The following EEA1 variants were observed in gnomAD, a reference collection of about 807,000 sequenced individuals.
EEA1 encodes the protein early endosome antigen 1.
In EEA1, 111 loss-of-function variants were observed where a neutral mutation model predicts 209.2. That is an observed-to-expected ratio of 0.53 (90% CI 0.45 to 0.62). EEA1 has a LOEUF of 0.62. Among genes scored for constraint, EEA1 ranks in the 20% least tolerant of loss-of-function variants. The probability of loss-of-function intolerance (pLI) is 0.00; values close to 1 mark genes in which losing one functional copy is unlikely to be tolerated. For synonymous variants in EEA1, 536 were observed against 540.6 expected, an observed-to-expected ratio of 0.99 and a Z score of 0.12; for missense variants, 1,343 against 1,530.8, an observed-to-expected ratio of 0.88 and a Z score of 2.05.
At chr12:92,834,015 T>C (rs1460379876) in intron 10 of EEA1, among the ~76,000 whole-genome samples, 2 of 152,126 alleles carry the variant, frequency 1.3e-5, no homozygotes, top group African/African-American at 2.4e-5. Flanking sequence ...ATACATGCCA[T>C]CTGCTCTATA....
intron 2 of EEA1, among the ~76,000 whole-genome samples, chr12:92,888,910 G>A (rs564263048): frequency 6.6e-6 from 1 of 152,132 alleles, no homozygotes; most frequent in African/African-American, 2.4e-5. Flanking sequence ...GGCACTTTGG[G>A]AGGCCAAGGC....
chr12:92,808,475 GTTAT>G (rs1875321554), intron 18 of EEA1, among the ~76,000 whole-genome samples: 1 of 150,236 alleles, frequency 6.7e-6, no homozygotes, highest in Non-Finnish European at 1.5e-5. Flanking sequence ...CAAAGCTGAG[GTTAT>G]TTTTTTTTTT....
chr12:92,793,664 C>T (rs1056599730), intron 21 of EEA1, among the ~76,000 whole-genome samples: 7 of 152,166 alleles, frequency 4.6e-5, no homozygotes, highest in African/African-American at 1.7e-4. Flanking sequence ...ATTCCATGCT[C>T]ATGGATAGGA....
intron 1 of EEA1, among the ~76,000 whole-genome samples, chr12:92,913,723 C>T (rs4760503): frequency 0.26 from 39,000 of 151,782 alleles, 5,460 homozygotes; most frequent in Non-Finnish European, 0.32. Flanking sequence ...TGCAGTGGCG[C>T]GATGTCAGCT....
At chr12:92,885,318 A>AGGACATTAAGTTAATAAAGT (rs1246160972) in intron 2 of EEA1, among the ~76,000 whole-genome samples, 1 of 152,168 alleles carries the variant, frequency 6.6e-6, no homozygotes, top group Non-Finnish European at 1.5e-5. Flanking sequence ...CCTGGAGACC[A>AGGACATTAAGTTAATAAAGT]TGATATTTCC....
At chr12:92,926,538 A>T (rs1438694739) in intron 1 of EEA1, among the ~76,000 whole-genome samples, 1 of 152,208 alleles carries the variant, frequency 6.6e-6, no homozygotes, top group Non-Finnish European at 1.5e-5. Context: ...TAAGACATTT[A>T]TCAAAATGTC....
intron 17 of EEA1, among the ~76,000 whole-genome samples, chr12:92,809,596 G>A (rs181764615): frequency 6.0e-5 from 9 of 150,244 alleles, no homozygotes; most frequent in Admixed American, 6.0e-4. Context: ...TCAAGACGCC[G>A]AGGCAGGAGA....
intron 3 of EEA1, chr12:92,858,195 G>A (rs1592740874): frequency 4.3e-6 from 3 of 692,680 alleles, no homozygotes; most frequent in East Asian, 2.6e-5. Flanking sequence ...CCAGATCAGT[G>A]AGGCTGTCCT....
chr12:92,913,804 GC>G (rs1309964875), intron 1 of EEA1, among the ~76,000 whole-genome samples: 2 of 152,188 alleles, frequency 1.3e-5, no homozygotes, highest in East Asian at 3.9e-4. Flanking sequence ...GGGATTACAG[GC>G]ATGTGCCACC....
chr12:92,858,954 G>C, intron 3 of EEA1: 1 of 698,710 alleles, frequency 1.4e-6, no homozygotes, highest in Non-Finnish European at 2.6e-6. Context: ...ATTATACTAA[G>C]ATCAACCGTT....
chr12:92,813,032 T>C lies in EEA1; in HGVS notation c.1991A>G (p.Asp664Gly), dbSNP rs754164446. 1 of 1,601,888 alleles carries C rather than the reference T, an allele frequency of 6.2e-7. No homozygotes were observed. Among genetic ancestry groups the C allele is most frequent in the African/African-American group, 1.3e-5 (1 of 74,854 alleles). The change falls in exon 16 of 29, where the codon GAT becomes GGT. Residue 664 changes from aspartate (D) to glycine (G), a missense_variant. Coordinates refer to ENST00000322349, the MANE Select transcript of EEA1 (RefSeq NM_003566.4). The part of the protein sequence containing the change: ...AEAAKTAQRA[D>G]LQNHLDTAQN... ...AGCTGTGTCCAAATGATTCTGAAGA[T>C]CAGCTCTTTGAGCAGTTTTTGCTGC...
At chr12:92,893,252 A>G (rs1320802322) in intron 1 of EEA1, among the ~76,000 whole-genome samples, 2 of 152,238 alleles carry the variant, frequency 1.3e-5, no homozygotes, top group Non-Finnish European at 2.9e-5. Context: ...TGACTCAATA[A>G]TACTCATCAA....
chr12:92,832,018 CG>C (rs1396135606), intron 11 of EEA1, among the ~76,000 whole-genome samples: 1 of 148,054 alleles, frequency 6.8e-6, no homozygotes, highest in African/African-American at 2.5e-5. Flanking sequence ...ACCCGGGAAG[CG>C]GAGCTTGCAG....
chr12:92,880,501 G>C (rs1357265082), intron 2 of EEA1, among the ~76,000 whole-genome samples: 1 of 152,036 alleles, frequency 6.6e-6, no homozygotes, highest in East Asian at 1.9e-4. Flanking sequence ...AGGGGGCGGA[G>C]TCTCACTCTG....
chr12:92,885,605 G>A (rs562007385), intron 2 of EEA1, among the ~76,000 whole-genome samples: 6 of 152,118 alleles, frequency 3.9e-5, no homozygotes, highest in East Asian at 1.9e-4. Context: ...CTTAATTTAC[G>A]GCAGTCCCCA....
intron 1 of EEA1, among the ~76,000 whole-genome samples, chr12:92,910,282 C>T (rs1191948273): frequency 2.0e-5 from 3 of 151,774 alleles, no homozygotes; most frequent in African/African-American, 4.8e-5. Flanking sequence ...CCAGCCTGAC[C>T]GACATGGTGA....
intron 2 of EEA1, among the ~76,000 whole-genome samples, chr12:92,890,393 T>C (rs7132642): frequency 0.62 from 93,706 of 151,916 alleles, 29,649 homozygotes; most frequent in East Asian, 0.94. Flanking sequence ...ATGGTATAGG[T>C]ATGATAAAAT....
chr12:92,796,209 C>T (rs1043772987), intron 21 of EEA1, among the ~76,000 whole-genome samples: 1 of 151,972 alleles, frequency 6.6e-6, no homozygotes, highest in African/African-American at 2.4e-5. Context: ...GGGCCATATC[C>T]TATTCACTTT....
Position 92,774,104 on chromosome 12 carries a change from C to T in EEA1, c.*1907G>A, listed in dbSNP as rs1208539097. On this transcript the variant is annotated 3_prime_UTR_variant, in exon 29 of 29. Transcript: ENST00000322349. ...TGAATATCTGTGTTTTTCCAGCACA[C>T]TTATTAAGTTATTTATATGTAAAAG... The T allele has an allele frequency of 1.4e-5, 2 of 147,418 alleles. No homozygotes were observed. The highest frequency in any genetic ancestry group is 3.0e-5 in the Non-Finnish European group (2 of 66,840). 9.1% of individuals were successfully genotyped at this position (147,418 alleles called of 1,614,324 possible).
Sources: gnomAD v4.1 joint callset for allele counts (sites outside exome capture counted in the v4.1 genomes callset) on GRCh38, gnomAD v4.1.1 for gene constraint, MANE v1.5 for transcripts, NCBI Gene and HGNC (gene_info 2026-07-23, HGNC 2026-07-21) for gene names.